The following FYB1 variants were observed in gnomAD, a reference collection of about 807,000 sequenced individuals.
FYB1 encodes the protein FYN-binding protein 1.
FYB1 carries 41 observed loss-of-function variants against 94.1 expected under a neutral mutation model. That is an observed-to-expected ratio of 0.44 (90% CI 0.34 to 0.57). FYB1 has a LOEUF of 0.57. Among genes scored for constraint, FYB1 ranks in the 20% least tolerant of loss-of-function variants. The pLI is 0.02. For missense variants in FYB1, 1,050 were observed against 976.8 expected (o/e 1.07, Z -1.00); for synonymous variants, 367 against 353.2 (o/e 1.04, Z -0.44).
chr5:39,193,836 G>A (rs563504901), intron 2 of FYB1, among the ~76,000 whole-genome samples: 1 of 152,336 alleles, frequency 6.6e-6, no homozygotes, highest in Non-Finnish European at 1.5e-5. Context: ...CTACCCTGGA[G>A]ACGAGCACAG....
chr5:39,162,277 A>G (rs1027086461), intron 2 of FYB1, among the ~76,000 whole-genome samples: 1 of 152,182 alleles, frequency 6.6e-6, no homozygotes, highest in Admixed American at 6.5e-5. Context: ...GCTATTTTAG[A>G]CAATTACAAT....
chr5:39,149,838 CAG>C (rs1476032883), intron 3 of FYB1, among the ~76,000 whole-genome samples: 1 of 152,140 alleles, frequency 6.6e-6, no homozygotes, highest in Admixed American at 6.5e-5. Context: ...TCCCAGGCCT[CAG>C]AGAGTTACAG....
chr5:39,216,151 A>G (rs1239285189), intron 1 of FYB1, among the ~76,000 whole-genome samples: 1 of 152,134 alleles, frequency 6.6e-6, no homozygotes, highest in Non-Finnish European at 1.5e-5. Context: ...AAACTGAGGG[A>G]GAATAGATTT....
chr5:39,159,257 C>T (rs1382374103), intron 2 of FYB1, among the ~76,000 whole-genome samples: 1 of 152,148 alleles, frequency 6.6e-6, no homozygotes, highest in African/African-American at 2.4e-5. Flanking sequence ...GCTGGCAACT[C>T]GGCATATAGA....
chr5:39,111,025 T>A (rs953239322), intron 16 of FYB1, among the ~76,000 whole-genome samples: 3 of 151,986 alleles, frequency 2.0e-5, no homozygotes, highest in African/African-American at 7.2e-5. Context: ...GAAGAGCACA[T>A]ACTATGGATT....
Position 39,136,713 on chromosome 5 carries a change from T to C in FYB1, c.1515+887A>G, listed in dbSNP as rs551286896. 2.6e-5 allele frequency among the ~76,000 whole-genome samples: 4 copies of C among 152,358 alleles called. No homozygotes were observed. The South Asian group carries it at 8.3e-4, about 32-fold the overall frequency. On this transcript the variant is annotated intron_variant, in intron 7 of 18. Transcript: ENST00000512982. ...TCAGTTTGTCTGGCTGACTTGATGC[T>C]ATACATTTTCCTTGCACCATGCATT...
chr5:39,271,266 T>C (rs182584226), intron 1 of FYB1, among the ~76,000 whole-genome samples: 1 of 152,250 alleles, frequency 6.6e-6, no homozygotes, highest in East Asian at 1.9e-4. Context: ...TCAGTCTAGG[T>C]TCATGTATTA....
At chr5:39,186,982 A>C (rs1327343309) in intron 2 of FYB1, among the ~76,000 whole-genome samples, 1 of 152,160 alleles carries the variant, frequency 6.6e-6, no homozygotes, top group Admixed American at 6.5e-5. Flanking sequence ...CTGGAACCCA[A>C]GTCTTTCTAA....
chr5:39,128,667 G>A (rs1273040751), intron 10 of FYB1, among the ~76,000 whole-genome samples: 1 of 152,116 alleles, frequency 6.6e-6, no homozygotes, highest in East Asian at 1.9e-4. Context: ...TTAAAAGAAA[G>A]AAGTGGCTTA....
chr5:39,206,515 A>T (rs1748871770), intron 1 of FYB1, among the ~76,000 whole-genome samples: 1 of 152,154 alleles, frequency 6.6e-6, no homozygotes, highest in Non-Finnish European at 1.5e-5. Context: ...ATTTTTACTT[A>T]AAAAAGGGTA....
chr5:39,246,962 T>C (rs1214954061), intron 1 of FYB1, among the ~76,000 whole-genome samples: 1 of 151,548 alleles, frequency 6.6e-6, no homozygotes, highest in African/African-American at 2.4e-5. Flanking sequence ...TGTGCCTCAA[T>C]TATGTCATCT....
In FYB1 at chr5:39,260,815, A is replaced by AG. The variant is rs1752178288; in HGVS notation, c.-28+13587_-28+13588insC. Among the ~76,000 whole-genome samples the AG allele has an allele frequency of 5.9e-5, 9 of 152,098 alleles. No homozygotes were observed. In the South Asian group the frequency reaches 1.9e-3, roughly 31 times the overall value. On this transcript the variant is annotated intron_variant, in intron 1 of 1. Transcript: ENST00000510188. Reference sequence around the variant, plus strand: ...CAAATTGTTGATGTTCTTTGACATGACCCTGAATGCGTGGGGATTATACAT... The same window carrying AG: ...CAAATTGTTGATGTTCTTTGACATGAGCCCTGAATGCGTGGGGATTATACAT...
chr5:39,222,185 T>C (rs73072548), upstream of FYB1, among the ~76,000 whole-genome samples: 1,566 of 151,832 alleles, frequency 0.01, 24 homozygotes, highest in African/African-American at 0.036. Context: ...TTGAACTTTG[T>C]CCCACAAGAC....
chr5:39,202,128 T>G lies in FYB1; in HGVS notation c.833A>C (p.Asn278Thr), dbSNP rs1194338546. The G allele has an allele frequency of 1.2e-6, 2 of 1,613,878 alleles. No individual in the cohort carries two copies. The highest frequency in any genetic ancestry group is 3.3e-5 in the Admixed American group (2 of 60,006). Residue 278 changes from asparagine (N) to threonine (T), a missense_variant, in exon 2 of 19, where the codon AAT becomes ACT. Transcript: ENST00000512982. ...ASRGGPGLSKNGEEKKEDRKI... is the reference protein window; with the variant it reads ...ASRGGPGLSKTGEEKKEDRKI... ...CCTATCTTCCTTTTTTTCTTCACCA[T>G]TTTTGGAGAGACCTGGGCCTCCCCT...
intron 16 of FYB1, among the ~76,000 whole-genome samples, chr5:39,113,762 T>C (rs888268078): frequency 1.3e-5 from 2 of 152,152 alleles, no homozygotes; most frequent in Admixed American, 6.6e-5. Flanking sequence ...TTTGGCCTCA[T>C]GCAGTTTAAA....
At chr5:39,139,066 T>G in intron 5 of FYB1, 167 bp downstream of exon 5, 1 of 712,720 alleles carries the variant, frequency 1.4e-6, no homozygotes, top group Non-Finnish European at 2.2e-6. Context: ...TGATGACTAG[T>G]GTGTAACATC....
At chr5:39,170,427 G>A (rs574131677) in intron 2 of FYB1, 2 of 455,432 alleles carry the variant, frequency 4.4e-6, no homozygotes, top group South Asian at 3.1e-5. Flanking sequence ...CCCCTCAGCA[G>A]CAGACCTGGA....
At chr5:39,241,510 T>A (rs1036770919) in intron 1 of FYB1, among the ~76,000 whole-genome samples, 2 of 152,130 alleles carry the variant, frequency 1.3e-5, no homozygotes, top group East Asian at 3.8e-4. Flanking sequence ...CCCTTCCTCC[T>A]ACCTCTCCTT....
intron 3 of FYB1, 114 bp from the exon 4 acceptor site, chr5:39,141,255 T>G (rs1742158454): frequency 1.3e-6 from 1 of 763,996 alleles, no homozygotes; most frequent in African/African-American, 1.8e-5. Context: ...ACCTTTGCTC[T>G]GATTTAAAGC....
Sources: allele counts gnomAD v4.1 joint callset (sites outside exome capture counted in the v4.1 genomes callset), GRCh38; gene constraint gnomAD v4.1.1; transcripts MANE v1.5; gene names NCBI Gene and HGNC (gene_info 2026-07-23, HGNC 2026-07-21).